FAM184A: variants seen among roughly 807,000 people sequenced by gnomAD.
FAM184A encodes the protein family with sequence similarity 184 member A, also known as protein FAM184A.
A neutral mutation model predicts 143.8 loss-of-function variants in FAM184A; 99 were observed. The ratio of observed to expected loss-of-function variants is 0.69; its 90% CI spans 0.58 to 0.81. The LOEUF (loss-of-function observed/expected upper bound fraction) is 0.81, where lower values mean the gene tolerates loss of function less well. FAM184A is among the 40% of genes least tolerant of loss of function. The pLI, the probability that FAM184A is intolerant of heterozygous loss-of-function variation, is 0.00. For missense variants in FAM184A, 1,217 were observed against 1,310.5 expected (o/e 0.93, Z 1.10); for synonymous variants, 427 against 446.4 (o/e 0.96, Z 0.55).
At chr6:118,997,344 TAA>T (rs1784602220) in intron 9 of FAM184A, among the ~76,000 whole-genome samples, 1 of 121,786 alleles carries the variant, frequency 8.2e-6, no homozygotes, top group African/African-American at 3.1e-5. Flanking sequence ...AAAAAAAAAT[TAA>T]AAGAGACAGA....
intron 1 of FAM184A, among the ~76,000 whole-genome samples, chr6:119,110,248 G>A (rs1401142716): frequency 2.6e-5 from 4 of 152,116 alleles, no homozygotes; most frequent in Non-Finnish European, 5.9e-5. Context: ...TTTCCTGGTG[G>A]TCTCATCGTT....
At chr6:119,138,558 C>T (rs983159784) in intron 1 of FAM184A, among the ~76,000 whole-genome samples, 6 of 152,084 alleles carry the variant, frequency 3.9e-5, no homozygotes, top group African/African-American at 1.4e-4. Flanking sequence ...CACATTTCAC[C>T]ACTCTGACAC....
chr6:119,121,079 G>A (rs1789201093), intron 1 of FAM184A, among the ~76,000 whole-genome samples: 2 of 151,032 alleles, frequency 1.3e-5, no homozygotes, highest in Admixed American at 1.3e-4. Flanking sequence ...CAAAGTACTG[G>A]GATTATAGGT....
In FAM184A at chr6:119,148,732, A is replaced by G. The variant is rs576917658; in HGVS notation, c.-202+346T>C. Among the ~76,000 whole-genome samples, 194 of 152,280 alleles carry G rather than the reference A, an allele frequency of 1.3e-3. 1 individual carries two copies. Among genetic ancestry groups the G allele is most frequent in the Non-Finnish European group, 2.2e-3 (151 of 68,024 alleles). ...TGAGAAGTGGCCACATGATGGCACT[A>G]TAAATCTAGCAATGCCCTCAGAAAG... On this transcript the variant is annotated intron_variant, in intron 1 of 16. Transcript: ENST00000352896.
chr6:119,103,048 C>T (rs529629196), intron 1 of FAM184A, among the ~76,000 whole-genome samples: 171 of 152,214 alleles, frequency 1.1e-3, no homozygotes, highest in African/African-American at 4.0e-3. Flanking sequence ...CCTAATTGGT[C>T]TGAATCAATT....
At chr6:119,092,485 G>C (rs907932503) in intron 1 of FAM184A, among the ~76,000 whole-genome samples, 2 of 152,126 alleles carry the variant, frequency 1.3e-5, no homozygotes, top group Non-Finnish European at 2.9e-5. Context: ...ATGGAGTACA[G>C]TATAATATTT....
chr6:119,031,265 C>T (rs1015021942), intron 1 of FAM184A: 3 of 152,110 alleles, frequency 2.0e-5, no homozygotes, highest in Admixed American at 2.0e-4. Context: ...CCCTAACGCC[C>T]AATATGATGG....
intron 6 of FAM184A, 24 bp from the exon 7 acceptor site, chr6:119,006,632 A>G (rs776855187): frequency 1.9e-6 from 3 of 1,559,214 alleles, no homozygotes; most frequent in Middle Eastern, 1.7e-4. Context: ...GAGTACTTTT[A>G]ATATATTTCA....
In FAM184A at chr6:118,970,008, A is replaced by ATATATATATATATATATATATTT; in HGVS notation, c.2916-3057_2916-3056insAAATATATATATATATATATATA. Among the ~76,000 whole-genome samples the ATATATATATATATATATATATTT allele has an allele frequency of 4.1e-3, 78 of 18,996 alleles. 2 individuals carry two copies. Among genetic ancestry groups the ATATATATATATATATATATATTT allele is most frequent in the Admixed American group, 5.3e-3 (7 of 1,310 alleles). The allele number at this position is 18,996 out of a possible 152,430, so 12.5% of individuals were successfully genotyped here. On this transcript the variant is annotated intron_variant, in intron 14 of 17. Coordinates refer to ENST00000338891, the MANE Select transcript of FAM184A (RefSeq NM_024581.6). ...ATATATATATAATATATATATATAT[A>ATATATATATATATATATATATTT]TTTTTTTTTTTTTGAGATGGAGTTT...
chr6:119,099,904 C>T (rs1381247140), intron 1 of FAM184A, among the ~76,000 whole-genome samples: 1 of 152,160 alleles, frequency 6.6e-6, no homozygotes, highest in Non-Finnish European at 1.5e-5. Flanking sequence ...ATTAATGGAA[C>T]CCAGAACCAG....
At chr6:119,059,354 A>C (rs866734498) in intron 1 of FAM184A, among the ~76,000 whole-genome samples, 34 of 152,234 alleles carry the variant, frequency 2.2e-4, no homozygotes, top group Admixed American at 2.0e-3. Context: ...AACTGGAATG[A>C]AGGTTGATAA....
rs114732336 is a variant in FAM184A at position 119,030,086 on chromosome 6, A to G, written c.160-5273T>C. Among the ~76,000 whole-genome samples the G allele has an allele frequency of 4.6e-3, 704 of 152,328 alleles. 8 individuals are homozygous for G. Among genetic ancestry groups the G allele is most frequent in the African/African-American group, 0.016 (680 of 41,568 alleles). ...TTCCACTACCACTCATACACTGAGAAAACCAATTAAGAGATTCTGGAAGCA... is the reference window on the plus strand; with the variant it reads ...TTCCACTACCACTCATACACTGAGAGAACCAATTAAGAGATTCTGGAAGCA... On this transcript the variant is annotated intron_variant, in intron 1 of 17. Transcript: ENST00000338891.
chr6:119,024,892 G>C (rs1562478946), intron 1 of FAM184A, 79 bp from the exon 2 acceptor site: 3 of 1,306,214 alleles, frequency 2.3e-6, no homozygotes, highest in Non-Finnish European at 1.0e-6. Context: ...CTTTCATTTG[G>C]ATTGATATTT....
intron 1 of FAM184A, among the ~76,000 whole-genome samples, chr6:119,123,380 C>A (rs1789279651): frequency 6.6e-6 from 1 of 151,974 alleles, no homozygotes; most frequent in African/African-American, 2.4e-5. Context: ...CAGAGTGAGA[C>A]TCCATCTCAA....
At chr6:119,050,207 G>C (rs886602871) in intron 1 of FAM184A, among the ~76,000 whole-genome samples, 1 of 152,154 alleles carries the variant, frequency 6.6e-6, no homozygotes, top group Non-Finnish European at 1.5e-5. Context: ...AGAGAAAAGG[G>C]AACACTTATA....
At chr6:119,121,910 T>C (rs1162789212) in intron 1 of FAM184A, among the ~76,000 whole-genome samples, 1 of 152,192 alleles carries the variant, frequency 6.6e-6, no homozygotes, top group African/African-American at 2.4e-5. Context: ...CTTGGTAACT[T>C]TTTATTTTAT....
At chr6:119,108,182 C>T (rs2114844260) in intron 1 of FAM184A, among the ~76,000 whole-genome samples, 1 of 144,016 alleles carries the variant, frequency 6.9e-6, no homozygotes, top group South Asian at 2.2e-4. Context: ...GTTGCCATGA[C>T]ATTCATTTTC....
At chr6:119,002,674 A>G (rs1013930005) in intron 9 of FAM184A, among the ~76,000 whole-genome samples, 2 of 152,198 alleles carry the variant, frequency 1.3e-5, no homozygotes, top group Admixed American at 1.3e-4. Context: ...CTAAAAAATC[A>G]TAATAAATTC....
intron 1 of FAM184A, among the ~76,000 whole-genome samples, chr6:119,027,950 C>CGA (rs748418881): frequency 6.6e-6 from 1 of 152,144 alleles, no homozygotes; most frequent in Non-Finnish European, 1.5e-5. Flanking sequence ...ACTGCAAATC[C>CGA]GAAGAGTTCT....
Sources: allele counts gnomAD v4.1 joint callset (sites outside exome capture counted in the v4.1 genomes callset), GRCh38; gene constraint gnomAD v4.1.1; transcripts MANE v1.5; gene names NCBI Gene and HGNC (gene_info 2026-07-23, HGNC 2026-07-21).